The following DHRSX variants were observed in gnomAD, a reference collection of about 807,000 sequenced individuals.
The protein encoded by DHRSX is dehydrogenase/reductase X-linked, also known as polyprenol dehydrogenase.
Under a neutral mutation model 34.0 loss-of-function variants are expected in DHRSX, and 31 were observed. That is an observed-to-expected ratio of 0.91 (90% CI 0.69 to 1.23). DHRSX has a LOEUF of 1.23. DHRSX is among the 50% of genes most tolerant of loss of function. DHRSX has a pLI of 0.00. For synonymous variants in DHRSX, 201 were observed against 183.8 expected (o/e 1.09, Z -0.76); for missense variants, 414 against 428.1 (o/e 0.97, Z 0.29).
chrX:2,354,523 G>A (rs1276011837), intron 3 of DHRSX, among the ~76,000 whole-genome samples: 5 of 152,112 alleles, frequency 3.3e-5, no homozygotes, highest in Admixed American at 6.5e-5. Flanking sequence ...GTGCAGTGGC[G>A]CAATCTCGGC....
chrX:2,311,383 G>A (rs1284335245), intron 3 of DHRSX, among the ~76,000 whole-genome samples: 1 of 152,050 alleles, frequency 6.6e-6, no homozygotes, highest in Non-Finnish European at 1.5e-5. Context: ...ACATCACTAC[G>A]AGAGAACTCA....
intron 3 of DHRSX, among the ~76,000 whole-genome samples, chrX:2,294,807 G>GA: frequency 8.3e-6 from 1 of 120,074 alleles, no homozygotes; most frequent in Non-Finnish European, 2.0e-5. Context: ...GAGAGAGAGA[G>GA]GAAAAAGAGA....
chrX:2,479,061 T>C (rs1212277246), intron 1 of DHRSX, among the ~76,000 whole-genome samples: 3 of 152,136 alleles, frequency 2.0e-5, no homozygotes, highest in African/African-American at 7.2e-5. Context: ...CACCACCGTG[T>C]GCACACTGAA....
At chrX:2,474,698 T>A (rs887957168) in intron 1 of DHRSX, among the ~76,000 whole-genome samples, 3 of 151,688 alleles carry the variant, frequency 2.0e-5, no homozygotes, top group African/African-American at 7.3e-5. Context: ...TCCCTAAGTG[T>A]GTGGCTAAGG....
intron 1 of DHRSX, among the ~76,000 whole-genome samples, chrX:2,445,081 C>G (rs2044112735): frequency 6.6e-6 from 1 of 152,046 alleles, no homozygotes; most frequent in Non-Finnish European, 1.5e-5. Flanking sequence ...TGCTTGAACC[C>G]AGGAGGTAGA....
intron 3 of DHRSX, among the ~76,000 whole-genome samples, chrX:2,387,904 CAA>C (rs557047764): frequency 0.018 from 1,333 of 73,908 alleles, 21 homozygotes; most frequent in South Asian, 0.089. Context: ...CCCTCCCCTG[CAA>C]AAAAAAAAAA....
At chrX:2,328,447 C>G (rs768105109) in intron 3 of DHRSX, among the ~76,000 whole-genome samples, 60 of 151,960 alleles carry the variant, frequency 3.9e-4, no homozygotes, top group African/African-American at 1.4e-3. Flanking sequence ...ATACCTGGAT[C>G]TCAGACTTCC....
chrX:2,336,842 G>C (rs1260175175), intron 3 of DHRSX, among the ~76,000 whole-genome samples: 1 of 73,616 alleles, frequency 1.4e-5, no homozygotes. Context: ...AAGATAGATA[G>C]ATAGATATAG....
chrX:2,242,947 G>C, intron 6 of DHRSX, 76 bp downstream of exon 6: 1 of 1,419,290 alleles, frequency 7.0e-7, no homozygotes, highest in Non-Finnish European at 9.7e-7. Flanking sequence ...CCCTCCCTTG[G>C]GGTCTGGACT....
intron 1 of DHRSX, among the ~76,000 whole-genome samples, chrX:2,454,527 CA>C (rs10641325): frequency 4.6e-4 from 63 of 137,716 alleles, no homozygotes; most frequent in East Asian, 8.7e-4. Flanking sequence ...AACTCCGTCT[CA>C]AAAAAAAAAA....
intron 3 of DHRSX, among the ~76,000 whole-genome samples, chrX:2,346,324 G>A (rs140048124): frequency 0.014 from 2,060 of 152,164 alleles, 30 homozygotes; most frequent in Non-Finnish European, 0.022. Flanking sequence ...AATGCAATGT[G>A]CCATCCAGGA....
chrX:2,377,538 A>C (rs769786602), intron 3 of DHRSX, among the ~76,000 whole-genome samples: 4 of 152,188 alleles, frequency 2.6e-5, no homozygotes, highest in Admixed American at 2.6e-4. Flanking sequence ...GTGAACACAC[A>C]TGAAGCTTTG....
intron 6 of DHRSX, among the ~76,000 whole-genome samples, chrX:2,234,430 C>G (rs1214376361): frequency 2.0e-5 from 3 of 152,000 alleles, no homozygotes; most frequent in East Asian, 3.9e-4. Context: ...ATGCACACAG[C>G]TAGACCCACA....
At chrX:2,310,831 C>T (rs1246179383) in intron 3 of DHRSX, among the ~76,000 whole-genome samples, 1 of 151,644 alleles carries the variant, frequency 6.6e-6, no homozygotes, top group African/African-American at 2.4e-5. Context: ...GAGGCCGAGG[C>T]GGGTGGATCG....
chrX:2,243,163 G>A lies in DHRSX; in HGVS notation c.664C>T (p.Leu222Phe). The A allele has an allele frequency of 6.2e-7, 1 of 1,613,980 alleles. No homozygotes were observed. The highest frequency in any genetic ancestry group is 2.2e-5 in the East Asian group (1 of 44,882). The change falls in exon 6 of 7, where the codon CTC (leucine) becomes TTC (phenylalanine). Residue 222 changes from leucine to phenylalanine, a missense_variant. Physicochemically the swap from Leu to Phe is conservative, Grantham distance 22. Coordinates refer to ENST00000334651, the MANE Select transcript of DHRSX (RefSeq NM_145177.3). Reference protein sequence around the residue: ...KLALVLFTYHLQRLLAAEGSH... With the variant: ...KLALVLFTYHFQRLLAAEGSH... ...CCCTCAGCCGCCAGCAGCCGCTGGAGGTGGTAGGTGAACAGGACAAGGGCC... is the reference window on the plus strand; with the variant it reads ...CCCTCAGCCGCCAGCAGCCGCTGGAAGTGGTAGGTGAACAGGACAAGGGCC...
At chrX:2,421,182 A>C (rs1212907331) in intron 2 of DHRSX, among the ~76,000 whole-genome samples, 2 of 152,070 alleles carry the variant, frequency 1.3e-5, no homozygotes, top group African/African-American at 4.8e-5. Flanking sequence ...TGTTTGAGAC[A>C]AGTCCAAGCA....
intron 1 of DHRSX, among the ~76,000 whole-genome samples, chrX:2,461,045 CTT>C (rs2044395655): frequency 6.6e-6 from 1 of 152,112 alleles, no homozygotes; most frequent in Admixed American, 6.6e-5. Flanking sequence ...AATCATGAAA[CTT>C]TATTATTCTT....
At chrX:2,358,153 A>C (rs923943212) in intron 3 of DHRSX, among the ~76,000 whole-genome samples, 1 of 152,206 alleles carries the variant, frequency 6.6e-6, no homozygotes, top group Admixed American at 6.5e-5. Context: ...CACTTGGTTT[A>C]AAGTTACGAA....
chrX:2,457,607 G>T (rs2044321541), intron 1 of DHRSX, among the ~76,000 whole-genome samples: 2 of 150,622 alleles, frequency 1.3e-5, no homozygotes, highest in South Asian at 4.2e-4. Flanking sequence ...TGTACACACT[G>T]AAGACATCCC....
Sources: gnomAD v4.1 joint callset for allele counts (sites outside exome capture counted in the v4.1 genomes callset) on GRCh38, gnomAD v4.1.1 for gene constraint, MANE v1.5 for transcripts, NCBI Gene and HGNC (gene_info 2026-07-23, HGNC 2026-07-21) for gene names.